The following KCNC1 variants were observed in gnomAD, a reference collection of about 807,000 sequenced individuals.
KCNC1 encodes potassium voltage-gated channel subfamily C member 1, also known as voltage-gated potassium channel KCNC1.
Under a neutral mutation model 43.4 loss-of-function variants are expected in KCNC1, and 8 were observed. That is an observed-to-expected ratio of 0.18 (90% CI 0.11 to 0.33). The LOEUF (loss-of-function observed/expected upper bound fraction) is 0.33, where lower values mean the gene tolerates loss of function less well. Among genes scored for constraint, KCNC1 ranks in the 10% least tolerant of loss-of-function variants. The probability of loss-of-function intolerance (pLI) is 1.00; values close to 1 mark genes in which losing one functional copy is unlikely to be tolerated. For synonymous variants in KCNC1, 361 were observed against 360.5 expected (o/e 1.00, Z -0.01); for missense variants, 420 against 836.0 (o/e 0.50, Z 6.14).
chr11:17,763,607 C>G (rs1388152704), intron 1 of KCNC1, among the ~76,000 whole-genome samples: 1 of 119,094 alleles, frequency 8.4e-6, no homozygotes, highest in Non-Finnish European at 1.8e-5. Flanking sequence ...CACACCACCC[C>G]ACATGCACAT....
intron 1 of KCNC1, among the ~76,000 whole-genome samples, chr11:17,755,942 A>G (rs765493909): frequency 6.6e-6 from 1 of 152,188 alleles, no homozygotes; most frequent in Non-Finnish European, 1.5e-5. Flanking sequence ...GTGCCCCGAT[A>G]GAGACTGGGG....
intron 1 of KCNC1, among the ~76,000 whole-genome samples, chr11:17,758,799 T>G (rs1006278956): frequency 6.6e-5 from 10 of 152,250 alleles, no homozygotes; most frequent in Non-Finnish European, 1.2e-4. Flanking sequence ...TGTGCTATCA[T>G]CCAGGCTTTG....
chr11:17,751,029 C>T (rs1364708526), intron 1 of KCNC1, among the ~76,000 whole-genome samples: 8 of 152,154 alleles, frequency 5.3e-5, no homozygotes, highest in Non-Finnish European at 1.0e-4. Flanking sequence ...AGCTATGTGC[C>T]CCTGTGAGGT....
In KCNC1 at chr11:17,763,079, G is replaced by A. The variant is rs111830975; in HGVS notation, c.571-8586G>A. ...GATGGGCCAGCCCAGCTGTTGTGGG[G>A]GCTCTTTCTGGATATGACCCAGGTG... On this transcript the variant is annotated intron_variant, in intron 1 of 3. Transcript: ENST00000265969. 5.4e-3 allele frequency among the ~76,000 whole-genome samples: 815 copies of A among 152,308 alleles called. 8 individuals are homozygous for A. Among genetic ancestry groups the A allele is most frequent in the African/African-American group, 0.019 (782 of 41,544 alleles).
chr11:17,740,282 G>T (rs1435493202), intron 1 of KCNC1, among the ~76,000 whole-genome samples: 1 of 152,170 alleles, frequency 6.6e-6, no homozygotes, highest in South Asian at 2.1e-4. Context: ...TGGGTTGGGG[G>T]GTGGTGCCCC....
intron 1 of KCNC1, among the ~76,000 whole-genome samples, chr11:17,744,376 G>C (rs987006341): frequency 6.6e-6 from 1 of 152,182 alleles, no homozygotes; most frequent in African/African-American, 2.4e-5. Flanking sequence ...GAGCAGGCAG[G>C]AGCCCAGCAG....
In KCNC1 at chr11:17,754,492, C is replaced by A. The variant is rs145068382; in HGVS notation, c.571-17173C>A. Among the ~76,000 whole-genome samples the A allele has an allele frequency of 5.6e-4, 86 of 152,322 alleles. 3 individuals carry two copies. The East Asian group carries it at 0.011, about 20-fold the overall frequency. On this transcript the variant is annotated intron_variant, in intron 1 of 3. Transcript: ENST00000265969. ...TTGACAAGGGGCAGCAAGCACCAGCCGCCGGGGGCTCACTTCTGAAGGAGG... is the reference window on the plus strand; with the variant it reads ...TTGACAAGGGGCAGCAAGCACCAGCAGCCGGGGGCTCACTTCTGAAGGAGG...
At chr11:17,775,348 G>A (rs889044446) in intron 2 of KCNC1, 10 of 984,098 alleles carry the variant, frequency 1.0e-5, no homozygotes, top group Non-Finnish European at 6.0e-6. Flanking sequence ...TCCACCTCTT[G>A]GTCTCGTCTG....
Position 17,779,319 on chromosome 11 carries a change from T to C in KCNC1, c.1505-137T>C. ...GCCCCCTGCCTTGTGCCCTCCTCGC[T>C]CCACAGCCTGCCCGCTTTTCCGTCC... On this transcript the variant is annotated intron_variant, in intron 2 of 3. Coordinates refer to ENST00000265969, the MANE Select transcript of KCNC1 (RefSeq NM_001112741.2). This position sits in a 1 kb window ranked among gnomAD's most constrained non-coding sequence, Gnocchi z 7.2. 5.9e-6 allele frequency: 4 copies of C among 679,810 alleles called. No homozygotes were observed. The South Asian group carries it at 9.1e-5, about 16-fold the overall frequency. The allele number at this position is 679,810 out of a possible 1,614,324, so 42.1% of individuals were successfully genotyped here.
At chr11:17,768,545 G>A (rs937748882) in intron 1 of KCNC1, among the ~76,000 whole-genome samples, 18 of 146,992 alleles carry the variant, frequency 1.2e-4, no homozygotes, top group Admixed American at 8.4e-4. Flanking sequence ...AACCTGCTTT[G>A]ATGGCAGTGA....
At chr11:17,746,907 A>G (rs1719781962) in intron 1 of KCNC1, among the ~76,000 whole-genome samples, 3 of 152,214 alleles carry the variant, frequency 2.0e-5, no homozygotes, top group Non-Finnish European at 4.4e-5. Context: ...GGGTATTGAT[A>G]GCACCTGATT....
At chr11:17,769,588 TCCCAG>T (rs1451072004) in intron 1 of KCNC1, among the ~76,000 whole-genome samples, 1 of 151,932 alleles carries the variant, frequency 6.6e-6, no homozygotes, top group Non-Finnish European at 1.5e-5. Flanking sequence ...TCGCCTGTAA[TCCCAG>T]CACTTTGGGA....
intron 1 of KCNC1, among the ~76,000 whole-genome samples, chr11:17,756,947 C>T (rs1849029179): frequency 6.6e-6 from 1 of 152,154 alleles, no homozygotes; most frequent in Admixed American, 6.5e-5. Flanking sequence ...TCAAAGCCCA[C>T]CTAACACTTT....
At chr11:17,775,281 T>TTGC in intron 2 of KCNC1, 7 of 935,626 alleles carry the variant, frequency 7.5e-6, no homozygotes, top group South Asian at 4.9e-5. Flanking sequence ...TCTGAGGGCA[T>TTGC]CCCTCCCGCC....
chr11:17,770,578 G>A (rs1387107947), intron 1 of KCNC1, among the ~76,000 whole-genome samples: 5 of 152,286 alleles, frequency 3.3e-5, no homozygotes, highest in African/African-American at 9.6e-5. Context: ...CTGTCTCCTC[G>A]GTACCCATGC....
rs1848873093 is a variant in KCNC1, at chr11:17,744,183, CGT to C, written c.570+7613_570+7614del. Among the ~76,000 whole-genome samples the C allele has an allele frequency of 3.9e-5, 6 of 152,262 alleles. No individual in the cohort carries two copies. In the South Asian group the frequency reaches 1.2e-3, roughly 32 times the overall value. On this transcript the variant is annotated intron_variant, in intron 1 of 3. Transcript: ENST00000265969. ...TTTTCCACCTGTAAAATACAGAGGT[CGT>C]GCTAACTGACGGCTAAGGCTCTTCC...
At chr11:17,738,551 C>G (rs1269212249) in intron 1 of KCNC1, among the ~76,000 whole-genome samples, 1 of 152,092 alleles carries the variant, frequency 6.6e-6, no homozygotes, top group African/African-American at 2.4e-5. Flanking sequence ...TGTTGGGGCT[C>G]TGATCAGTGT....
chr11:17,745,163 C>T (rs1405649291), intron 1 of KCNC1, among the ~76,000 whole-genome samples: 2 of 152,144 alleles, frequency 1.3e-5, no homozygotes, highest in African/African-American at 2.4e-5. Flanking sequence ...CGGCTCCAGT[C>T]GAGGGCCAGC....
At chr11:17,757,839 G>A (rs1012669822) in intron 1 of KCNC1, among the ~76,000 whole-genome samples, 1 of 152,224 alleles carries the variant, frequency 6.6e-6, no homozygotes, top group Non-Finnish European at 1.5e-5. Flanking sequence ...TGAGCCTTCA[G>A]TGAGTCATAA....
Sources: allele counts gnomAD v4.1 joint callset (sites outside exome capture counted in the v4.1 genomes callset), GRCh38; gene constraint gnomAD v4.1.1; non-coding constraint Gnocchi (gnomAD v3.1); transcripts MANE v1.5; gene names NCBI Gene and HGNC (gene_info 2026-07-23, HGNC 2026-07-21).